DOCK3: variants seen among roughly 807,000 people sequenced by gnomAD.
DOCK3 encodes the protein dedicator of cytokinesis protein 3.
DOCK3 carries 60 observed loss-of-function variants against 265.6 expected under a neutral mutation model. That is an observed-to-expected ratio of 0.23 (90% CI 0.18 to 0.28). The LOEUF (loss-of-function observed/expected upper bound fraction) is 0.28. DOCK3 is among the 10% of genes least tolerant of loss of function. The pLI, the probability that DOCK3 is intolerant of heterozygous loss-of-function variation, is 1.00. For missense variants in DOCK3, 1,981 were observed against 2,594.3 expected (o/e 0.76, Z 5.14); for synonymous variants, 881 against 938.0 (o/e 0.94, Z 1.11).
chr3:51,377,958 G>A (rs2088273259), intron 51 of DOCK3, among the ~76,000 whole-genome samples: 1 of 152,204 alleles, frequency 6.6e-6, no homozygotes, highest in African/African-American at 2.4e-5. Context: ...GGCTTTTTAT[G>A]GAGAAGGTGA....
At chr3:51,357,689 A>G in intron 44 of DOCK3, 69 bp from the exon 45 acceptor site, 1 of 1,536,944 alleles carries the variant, frequency 6.5e-7, no homozygotes, top group South Asian at 1.1e-5. Flanking sequence ...AGTGGACTCA[A>G]GTCTCCTGGG....
chr3:50,994,909 G>A (rs1253575483), intron 5 of DOCK3, among the ~76,000 whole-genome samples: 1 of 152,136 alleles, frequency 6.6e-6, no homozygotes, highest in Admixed American at 6.5e-5. Context: ...ACCATTAAAA[G>A]AAAGTAAGGA....
At chr3:50,786,186 A>G (rs182797590) in intron 2 of DOCK3, among the ~76,000 whole-genome samples, 1 of 151,422 alleles carries the variant, frequency 6.6e-6, no homozygotes, top group East Asian at 1.9e-4. Context: ...GCTTATTTGG[A>G]TTTTCTCTCT....
chr3:51,262,412 G>C (rs1186901227), intron 23 of DOCK3, among the ~76,000 whole-genome samples: 1 of 152,140 alleles, frequency 6.6e-6, no homozygotes, highest in Non-Finnish European at 1.5e-5. Flanking sequence ...CTATCCGAAG[G>C]TCAACAACAT....
At chr3:50,750,322 A>ATT (rs34249464) in intron 1 of DOCK3, among the ~76,000 whole-genome samples, 33 of 73,630 alleles carry the variant, frequency 4.5e-4, no homozygotes, top group East Asian at 1.9e-3. Context: ...TCTACCTTTG[A>ATT]TTTTTTTTTT....
chr3:50,720,718 A>G (rs981233705), intron 1 of DOCK3, among the ~76,000 whole-genome samples: 2 of 152,154 alleles, frequency 1.3e-5, no homozygotes, highest in Non-Finnish European at 2.9e-5. Context: ...ATATATACCC[A>G]GTAATGGGAT....
At chr3:51,221,549 T>A (rs2090099061) in intron 14 of DOCK3, among the ~76,000 whole-genome samples, 1 of 152,230 alleles carries the variant, frequency 6.6e-6, no homozygotes, top group Admixed American at 6.5e-5. Context: ...TCAACTCCAA[T>A]AAACCTAAGT....
At chr3:51,050,840 T>G (rs1474783505) in intron 5 of DOCK3, among the ~76,000 whole-genome samples, 1 of 152,228 alleles carries the variant, frequency 6.6e-6, no homozygotes, top group Non-Finnish European at 1.5e-5. Flanking sequence ...TACTAGATAT[T>G]TGTGCATCCC....
intron 5 of DOCK3, among the ~76,000 whole-genome samples, chr3:51,043,614 A>G (rs557266830): frequency 1.4e-4 from 21 of 152,202 alleles, no homozygotes; most frequent in Non-Finnish European, 2.8e-4. Context: ...AGAGCTACAC[A>G]GCAAAAGAAA....
intron 30 of DOCK3, 66 bp from the exon 31 acceptor site, chr3:51,312,778 G>A: frequency 6.6e-7 from 1 of 1,515,542 alleles, no homozygotes; most frequent in Non-Finnish European, 9.0e-7. Flanking sequence ...TGGCCTCATG[G>A]GTTTGCAGCC....
intron 2 of DOCK3, among the ~76,000 whole-genome samples, chr3:50,791,606 G>A (rs1189509594): frequency 2.6e-5 from 4 of 152,048 alleles, no homozygotes; most frequent in African/African-American, 9.7e-5. Flanking sequence ...TGATTTTTGT[G>A]CATGGTGTAA....
rs573307468 is a variant in DOCK3, at chr3:51,362,348, T to C, written c.5146-179T>C. On this transcript the variant is annotated intron_variant, in intron 48 of 52. Transcript: ENST00000266037. ...TGGCCAGCCCAACAACTTCGCTCCA[T>C]ATGGGTGGTGTGGGTGGCCCCTAGT... 3.3e-5 allele frequency among the ~76,000 whole-genome samples: 5 copies of C among 152,236 alleles called. No homozygotes were observed. In the South Asian group the frequency reaches 1.0e-3, roughly 32 times the overall value.
chr3:50,922,487 G>T (rs887755596), intron 4 of DOCK3, among the ~76,000 whole-genome samples: 2 of 152,200 alleles, frequency 1.3e-5, no homozygotes, highest in African/African-American at 4.8e-5. Flanking sequence ...GGAATTCCCC[G>T]ACCCCTTGCG....
At chr3:51,164,940 C>CTTTTT (rs66495824) in intron 12 of DOCK3, among the ~76,000 whole-genome samples, 10 of 106,902 alleles carry the variant, frequency 9.4e-5, no homozygotes, top group South Asian at 3.4e-4. Flanking sequence ...GTTTAGGAGC[C>CTTTTT]TTTTTTTTTT....
chr3:50,991,520 A>G (rs991999345), intron 5 of DOCK3, among the ~76,000 whole-genome samples: 17 of 152,254 alleles, frequency 1.1e-4, no homozygotes, highest in Non-Finnish European at 2.1e-4. Flanking sequence ...AAAGGGTTCA[A>G]TTCGACAAGA....
intron 1 of DOCK3, among the ~76,000 whole-genome samples, chr3:50,733,624 T>A (rs2038365064): frequency 6.6e-6 from 1 of 152,326 alleles, no homozygotes; most frequent in East Asian, 1.9e-4. Flanking sequence ...TAAATCTAGG[T>A]TGAGTCTCCT....
chr3:51,344,143 T>C (rs1435103777), intron 38 of DOCK3, among the ~76,000 whole-genome samples: 4 of 152,142 alleles, frequency 2.6e-5, no homozygotes, highest in Non-Finnish European at 5.9e-5. Context: ...CTCTCCTGCT[T>C]GAGGGTTTAC....
intron 6 of DOCK3, among the ~76,000 whole-genome samples, chr3:51,070,227 A>C (rs767850864): frequency 2.0e-5 from 3 of 152,190 alleles, no homozygotes; most frequent in Non-Finnish European, 4.4e-5. Context: ...TAATCAATTG[A>C]TATTTGTTTC....
intron 12 of DOCK3, among the ~76,000 whole-genome samples, chr3:51,200,163 C>A (rs2088622119): frequency 6.6e-6 from 1 of 152,060 alleles, no homozygotes; most frequent in African/African-American, 2.4e-5. Context: ...TCCTCACCAA[C>A]AATGGAACAA....
Sources: allele counts gnomAD v4.1 joint callset (sites outside exome capture counted in the v4.1 genomes callset), GRCh38; gene constraint gnomAD v4.1.1; transcripts MANE v1.5; gene names NCBI Gene and HGNC (gene_info 2026-07-23, HGNC 2026-07-21).